The following PAK4 variants were observed in gnomAD, a reference collection of about 807,000 sequenced individuals.
The protein encoded by PAK4 is p21 (RAC1) activated kinase 4, also known as serine/threonine-protein kinase PAK 4.
A neutral mutation model predicts 53.5 loss-of-function variants in PAK4; 49 were observed. That is an observed-to-expected ratio of 0.92 (90% CI 0.73 to 1.16). The LOEUF is 1.16. Ranked by LOEUF, PAK4 falls within the 50% of genes most tolerant of loss-of-function variation. The pLI, the probability that PAK4 is intolerant of heterozygous loss-of-function variation, is 0.00. For missense variants in PAK4, 824 were observed against 850.7 expected, an observed-to-expected ratio of 0.97 and a Z score of 0.39; for synonymous variants, 376 against 375.6, an observed-to-expected ratio of 1.00 and a Z score of -0.01.
At chr19:39,148,763 T>C (rs1264316985) in intron 1 of PAK4, among the ~76,000 whole-genome samples, 3 of 152,028 alleles carry the variant, frequency 2.0e-5, no homozygotes, top group African/African-American at 7.2e-5. Context: ...CCTGCTTTTT[T>C]TTTTTCCATA....
rs559223441 is a variant in PAK4 at position 39,153,048 on chromosome 19, A to C, written c.-22-16484A>C. Among the ~76,000 whole-genome samples, 6 of 152,312 alleles carry C rather than the reference A, an allele frequency of 3.9e-5. No homozygotes were observed. The East Asian group carries it at 1.2e-3, about 29-fold the overall frequency. On this transcript the variant is annotated intron_variant, in intron 1 of 8. Coordinates refer to ENST00000358301, the Ensembl canonical transcript of PAK4. ...CAGCTACCGAGGGAGAATTGTATAG[A>C]TATATCAATTTTTTTCTTTCAAATC... is the stretch of plus-strand genomic sequence containing the variant.
In PAK4 at chr19:39,164,622, G is replaced by C. The variant is rs542539632; in HGVS notation, c.-22-4910G>C. Among the ~76,000 whole-genome samples, 327 of 152,306 alleles carry C rather than the reference G, an allele frequency of 2.1e-3. 2 individuals are homozygous for C. Among genetic ancestry groups the C allele is most frequent in the African/African-American group, 7.7e-3 (320 of 41,566 alleles). ...GGGCGCATCCTGTGGGGACTCTCAG[G>C]CCACGAGGAGGCATTTTGGGGGCCA... is the stretch of plus-strand genomic sequence containing the variant. On this transcript the variant is annotated intron_variant, in intron 1 of 8. Transcript: ENST00000358301.
At chr19:39,165,347 A>T (rs1196774054) in intron 1 of PAK4, among the ~76,000 whole-genome samples, 1 of 52,328 alleles carries the variant, frequency 1.9e-5, no homozygotes, top group Non-Finnish European at 4.0e-5. Flanking sequence ...CTAAAAATAC[A>T]AAAAAAAAAA....
At chr19:39,169,427 C>T in intron 1 of PAK4, 105 bp from the exon 3 acceptor site, 1 of 815,570 alleles carries the variant, frequency 1.2e-6, no homozygotes, top group Non-Finnish European at 2.0e-6. Flanking sequence ...GCTACTGCCT[C>T]CTGTTGGTCC....
At chr19:39,164,150 G>A (rs1237351585) in intron 1 of PAK4, among the ~76,000 whole-genome samples, 1 of 151,962 alleles carries the variant, frequency 6.6e-6, no homozygotes, top group Non-Finnish European at 1.5e-5. Context: ...GGTGGCGGAC[G>A]CCTGTAATCC....
At chr19:39,158,629 G>A (rs1217403892) in intron 1 of PAK4, among the ~76,000 whole-genome samples, 1 of 152,224 alleles carries the variant, frequency 6.6e-6, no homozygotes. Context: ...CAGATTCGGG[G>A]CAGGAGGGCT....
chr19:39,173,676 GTGCC>G lies in PAK4; in HGVS notation c.765_768del (p.Ala256ProfsTer112). ...TCCCGGCCTCCCACCCGAGCCCGAG[GTGCC>G]CCCAGCCCTGGAGTGCTGGGACCCC... On this transcript the variant is annotated frameshift_variant, in exon 4 of 9. Transcript: ENST00000358301. LOFTEE classifies it high-confidence loss of function. The surrounding 1 kb of genome is among the most constrained non-coding windows in gnomAD (Gnocchi z 6.9). 1 of 1,584,806 alleles carries G rather than the reference GTGCC, an allele frequency of 6.3e-7. No individual in the cohort carries two copies. The highest frequency in any genetic ancestry group is 8.6e-7 in the Non-Finnish European group (1 of 1,164,016).
chr19:39,140,815 T>C (rs547930727), intron 1 of PAK4, among the ~76,000 whole-genome samples: 12 of 152,250 alleles, frequency 7.9e-5, no homozygotes, highest in Admixed American at 7.8e-4. Flanking sequence ...CTCAGATGTT[T>C]TTGAGTTCCC....
intron 1 of PAK4, among the ~76,000 whole-genome samples, chr19:39,153,564 C>T (rs1407625911): frequency 6.6e-6 from 1 of 152,184 alleles, no homozygotes; most frequent in East Asian, 1.9e-4. Flanking sequence ...GCCTCAGCCT[C>T]CCGAGTAGCT....
Position 39,177,724 on chromosome 19 carries a change from AG to A in PAK4, c.1536del (p.Glu512AspfsTer13). 1 of 1,613,506 alleles carries A rather than the reference AG, an allele frequency of 6.2e-7. No homozygotes were observed. Among genetic ancestry groups the A allele is most frequent in the Non-Finnish European group, 8.5e-7 (1 of 1,179,566 alleles). The stretch of plus-strand genomic sequence containing the variant: ...ATGGTGATTGAGATGGTGGACGGAG[AG>A]CCCCCCTACTTCAACGAGCCACCCC... On this transcript the variant is annotated frameshift_variant, in exon 8 of 9. Transcript: ENST00000358301. LOFTEE classifies it high-confidence loss of function.
intron 2 of PAK4, among the ~76,000 whole-genome samples, chr19:39,170,925 C>G (rs1214104451): frequency 6.6e-6 from 1 of 152,224 alleles, no homozygotes; most frequent in East Asian, 1.9e-4. Context: ...ACTGGCTCTT[C>G]TGGGCCACAG....
intron 1 of PAK4, among the ~76,000 whole-genome samples, chr19:39,145,126 T>C (rs916911451): frequency 4.6e-5 from 7 of 152,036 alleles, no homozygotes; most frequent in Non-Finnish European, 8.8e-5. Flanking sequence ...TTTGGTGAAT[T>C]GTGAAAGATT....
chr19:39,182,151 C>G (rs2074705916), downstream of PAK4: 1 of 152,244 alleles, frequency 6.6e-6, no homozygotes, highest in Non-Finnish European at 1.5e-5. Flanking sequence ...CCCTAGGGTC[C>G]TTCCGTCTTT....
At chr19:39,156,155 G>A (rs983165182) in intron 1 of PAK4, among the ~76,000 whole-genome samples, 1 of 152,186 alleles carries the variant, frequency 6.6e-6, no homozygotes. Context: ...CATGGGTGAG[G>A]GGGGCAGAGT....
intron 1 of PAK4, among the ~76,000 whole-genome samples, chr19:39,159,425 G>A (rs758785632): frequency 1.8e-4 from 27 of 152,098 alleles, no homozygotes; most frequent in Non-Finnish European, 3.8e-4. Flanking sequence ...TCACTCTGTC[G>A]CCCAGGCTGG....
chr19:39,166,834 G>A (rs1261638203), intron 1 of PAK4, among the ~76,000 whole-genome samples: 10 of 152,224 alleles, frequency 6.6e-5, no homozygotes, highest in Admixed American at 2.0e-4. Flanking sequence ...TGGGGAAGCC[G>A]GCAGGGCTTG....
chr19:39,168,105 AT>A (rs1398836710), intron 1 of PAK4, 124 bp from the exon 2 acceptor site: 2 of 152,146 alleles, frequency 1.3e-5, no homozygotes, highest in Non-Finnish European at 2.9e-5. Flanking sequence ...CCCCACACGA[AT>A]TTCCCATGAG....
chr19:39,165,654 C>T (rs1278973060), intron 1 of PAK4, among the ~76,000 whole-genome samples: 1 of 152,210 alleles, frequency 6.6e-6, no homozygotes, highest in African/African-American at 2.4e-5. Flanking sequence ...CACAACCGCC[C>T]AGGTTCAAAT....
chr19:39,144,373 C>T (rs2073966065), intron 1 of PAK4, among the ~76,000 whole-genome samples: 1 of 152,198 alleles, frequency 6.6e-6, no homozygotes, highest in Non-Finnish European at 1.5e-5. Context: ...ATGGAGCCTG[C>T]ACGTAACACT....
Sources: gnomAD v4.1 joint callset for allele counts (sites outside exome capture counted in the v4.1 genomes callset) on GRCh38, gnomAD v4.1.1 for gene constraint, Gnocchi (gnomAD v3.1) non-coding constraint, MANE v1.5 for transcripts, NCBI Gene and HGNC (gene_info 2026-07-23, HGNC 2026-07-21) for gene names.